Variants in CCDC190 observed in about 807,000 individuals in gnomAD.
CCDC190 encodes the protein coiled-coil domain containing 190.
Under a neutral mutation model 13.1 loss-of-function variants are expected in CCDC190, and 10 were observed. That is an observed-to-expected ratio of 0.77 (90% CI 0.47 to 1.30). CCDC190 has a LOEUF of 1.30. Ranked by LOEUF, CCDC190 falls within the 50% of genes most tolerant of loss-of-function variation. The pLI, the probability that CCDC190 is intolerant of heterozygous loss-of-function variation, is 0.00. For synonymous variants in CCDC190, 136 were observed against 127.2 expected (o/e 1.07, Z -0.47); for missense variants, 375 against 354.3 (o/e 1.06, Z -0.47).
intron 2 of CCDC190, among the ~76,000 whole-genome samples, chr1:162,859,213 G>T (rs1422305825): frequency 6.6e-6 from 1 of 152,220 alleles, no homozygotes; most frequent in Non-Finnish European, 1.5e-5. Context: ...GAGCTAACTT[G>T]AAAGATGGCA....
chr1:162,863,604 G>C (rs947693140), upstream of CCDC190, among the ~76,000 whole-genome samples: 1 of 152,134 alleles, frequency 6.6e-6, no homozygotes, highest in Non-Finnish European at 1.5e-5. Flanking sequence ...GTCTGGAAAG[G>C]GTTTCCGGAC....
intron 1 of CCDC190, among the ~76,000 whole-genome samples, chr1:162,866,689 G>A (rs1303825817): frequency 3.9e-5 from 6 of 151,948 alleles, no homozygotes; most frequent in African/African-American, 7.3e-5. Context: ...ATCTGATTTC[G>A]AGACTTATTC....
chr1:162,854,423 G>C lies in CCDC190; in HGVS notation c.*342C>G. 1 of 1,053,794 alleles carries C rather than the reference G, an allele frequency of 9.5e-7. No homozygotes were observed. The highest frequency in any genetic ancestry group is 1.1e-6 in the Non-Finnish European group (1 of 872,446). 65.3% of individuals were successfully genotyped at this position (1,053,794 alleles called of 1,614,324 possible). On this transcript the variant is annotated 3_prime_UTR_variant, in exon 4 of 4. Coordinates refer to ENST00000367912, the MANE Select transcript of CCDC190 (RefSeq NM_001394065.1). Reference sequence around the variant, plus strand: ...AATAGCTATGCCGTTTTGCCAGCAGGTGGCACCATGAGAATCTCCTAGAGG... The same window carrying C: ...AATAGCTATGCCGTTTTGCCAGCAGCTGGCACCATGAGAATCTCCTAGAGG...
rs1432041229 is a variant in CCDC190, at chr1:162,851,997, T to C, written c.*2768A>G. ...CATTCTGGTATGGAGAAAGCTATTT[T>C]ACTTATCATGAGCCTCAATTTCTTT... On this transcript the variant is annotated 3_prime_UTR_variant, in exon 4 of 4. Coordinates refer to ENST00000367912, the MANE Select transcript of CCDC190 (RefSeq NM_001394065.1). 6.6e-6 allele frequency: 1 copy of C among 152,204 alleles called. No individual in the cohort carries two copies. The highest frequency in any genetic ancestry group is 1.5e-5 in the Non-Finnish European group (1 of 68,040). 9.4% of individuals were successfully genotyped at this position (152,204 alleles called of 1,614,324 possible).
rs1442064395 is a variant in CCDC190, at chr1:162,855,740, T to A, written c.203A>T (p.Lys68Met). 6.9e-6 allele frequency: 11 copies of A among 1,603,706 alleles called. No individual in the cohort carries two copies. In the African/African-American group the frequency reaches 1.5e-4, roughly 21 times the overall value. Reference sequence around the variant, plus strand: ...TCCATTCCCCAAATAAGAGGAGAACTTTTTCTTCATGGTTTCTGCTTTGAG... The same window carrying A: ...TCCATTCCCCAAATAAGAGGAGAACATTTTCTTCATGGTTTCTGCTTTGAG... ...QRLQQETMKK[K>M]FSSYLGNGFQ... Residue 68 changes from lysine to methionine, a missense_variant, in exon 3 of 4, where the codon AAG (lysine) becomes ATG (methionine). Transcript: ENST00000367912.
In CCDC190 at chr1:162,859,559, G is replaced by T; in HGVS notation, c.88C>A (p.Gln30Lys). 1 of 1,613,840 alleles carries T rather than the reference G, an allele frequency of 6.2e-7. No homozygotes were observed. Among genetic ancestry groups the T allele is most frequent in the Non-Finnish European group, 8.5e-7 (1 of 1,179,840 alleles). Residue 30 changes from glutamine (Q) to lysine (K), a missense_variant, in exon 2 of 4, where the codon CAA becomes AAA. Gln to Lys is a moderately conservative substitution (Grantham distance 53). Coordinates refer to ENST00000367912, the MANE Select transcript of CCDC190 (RefSeq NM_001394065.1). ...NAKQAEARLD[Q>K]RLQRLKVICL... ...ATAACCTTTAGTCTCTGCAGTCTTT[G>T]GTCCAGTCTGGCTTCAGCCTGCTTG...
chr1:162,855,458 C>T, intron 3 of CCDC190, 99 bp from the exon 4 acceptor site: 5 of 1,472,918 alleles, frequency 3.4e-6, no homozygotes, highest in Non-Finnish European at 4.5e-6. Flanking sequence ...CAGTATCGGC[C>T]AAGGTAATAT....
Position 162,861,140 on chromosome 1 carries a change from A to G in CCDC190, c.-145T>C, listed in dbSNP as rs1189087445. Reference sequence around the variant, plus strand: ...GTGTTTGGAGAAAGGATAGAGGGAGACCATTGGAGAGGGCTGCGAGGAGAA... The same window carrying G: ...GTGTTTGGAGAAAGGATAGAGGGAGGCCATTGGAGAGGGCTGCGAGGAGAA... On this transcript the variant is annotated 5_prime_UTR_variant, in exon 1 of 4. Coordinates refer to ENST00000367912, the MANE Select transcript of CCDC190 (RefSeq NM_001394065.1). The G allele has an allele frequency of 2.6e-6, 1 of 383,870 alleles. No individual in the cohort carries two copies. Among genetic ancestry groups the G allele is most frequent in the Admixed American group, 6.4e-5 (1 of 15,510 alleles). The allele number at this position is 383,870 out of a possible 1,614,324, so 23.8% of individuals were successfully genotyped here. A position where few individuals can be genotyped will look rare whatever the true frequency, so the allele number is the denominator to read the frequency against.
chr1:162,862,820 T>C (rs76754881), upstream of CCDC190, among the ~76,000 whole-genome samples: 21,482 of 152,196 alleles, frequency 0.14, 1,586 homozygotes, highest in Middle Eastern at 0.2. Flanking sequence ...AAAAAGATCA[T>C]GCCTTTTCCA....
At chr1:162,865,321 G>C (rs1650656747), upstream of CCDC190, among the ~76,000 whole-genome samples, 1 of 152,058 alleles carries the variant, frequency 6.6e-6, no homozygotes, top group Non-Finnish European at 1.5e-5. Flanking sequence ...TTCTCAATAA[G>C]TTAGTGAAAA....
At position 162,853,126 on chromosome 1, in the gene CCDC190, A is replaced by G. The variant is rs755247660; in HGVS notation, c.*1639T>C. The G allele has an allele frequency of 3.2e-6, 5 of 1,550,672 alleles. No homozygotes were observed. The highest frequency in any genetic ancestry group is 1.4e-5 in the African/African-American group (1 of 73,186). On this transcript the variant is annotated 3_prime_UTR_variant, in exon 4 of 4. Coordinates refer to ENST00000367912, the MANE Select transcript of CCDC190 (RefSeq NM_001394065.1). ...AGATTTCTTGTGTTCCTTTCACTAT[A>G]AAGTATTGTCTCCCCATTGAAGGCC...
Position 162,855,378 on chromosome 1 carries a change from G to T in CCDC190, c.312-19C>A, listed in dbSNP as rs1334269536. Reference sequence around the variant, plus strand: ...CAATGCTCTGAGAAAGGACATAAAAGAAAGATCTCTGAAAACCAATAAAAA... The same window carrying T: ...CAATGCTCTGAGAAAGGACATAAAATAAAGATCTCTGAAAACCAATAAAAA... On this transcript the variant is annotated intron_variant, in intron 3 of 3. Coordinates refer to ENST00000367912, the MANE Select transcript of CCDC190 (RefSeq NM_001394065.1). The T allele has an allele frequency of 1.9e-6, 3 of 1,573,180 alleles. No homozygotes were observed. Among genetic ancestry groups the T allele is most frequent in the Non-Finnish European group, 2.6e-6 (3 of 1,167,718 alleles).
upstream of CCDC190, among the ~76,000 whole-genome samples, chr1:162,861,426 C>T (rs147205784): frequency 8.7e-5 from 13 of 149,244 alleles, no homozygotes; most frequent in South Asian, 4.2e-4. Flanking sequence ...ACCCTTTCCT[C>T]GTTTCTCTCC....
In CCDC190 at chr1:162,854,917, C is replaced by A; in HGVS notation, c.754G>T (p.Ala252Ser). 1 of 1,614,004 alleles carries A rather than the reference C, an allele frequency of 6.2e-7. No homozygotes were observed. Among genetic ancestry groups the A allele is most frequent in the African/African-American group, 1.3e-5 (1 of 75,044 alleles). ...TGCCGGAGATAATGGGCATTTCTGG[C>A]CTTTGAAAGCAACTCTAAGAAGGTT... is the stretch of plus-strand genomic sequence containing the variant. ...KPTFLELLSK[A>S]RNAHYLRHRV... is the part of the protein sequence containing the mutation. Residue 252 changes from alanine to serine, a missense_variant, in exon 4 of 4, where the codon GCC (alanine) becomes TCC (serine). Transcript: ENST00000367912.
At position 162,854,698 on chromosome 1, in the gene CCDC190, T is replaced by C; in HGVS notation, c.*67A>G. ...TTGTTTTTCTCTGTATTGCTTAATA[T>C]AGTCATTTGAGGAACACATTTCCTT... On this transcript the variant is annotated 3_prime_UTR_variant, in exon 4 of 4. Transcript: ENST00000367912. 6.6e-7 allele frequency: 1 copy of C among 1,518,724 alleles called. No individual in the cohort carries two copies. The highest frequency in any genetic ancestry group is 8.8e-7 in the Non-Finnish European group (1 of 1,135,906). 94.1% of individuals were successfully genotyped at this position (1,518,724 alleles called of 1,614,324 possible). A position where few individuals can be genotyped will look rare whatever the true frequency, so the allele number is the denominator to read the frequency against.
At chr1:162,866,121 T>C (rs944753975), upstream of CCDC190, among the ~76,000 whole-genome samples, 20 of 152,134 alleles carry the variant, frequency 1.3e-4, no homozygotes, top group African/African-American at 4.8e-4. Context: ...TAGAAATACA[T>C]TTAATAAAAT....
chr1:162,855,818 A>C, intron 2 of CCDC190, 63 bp from the exon 3 acceptor site: 6 of 1,467,498 alleles, frequency 4.1e-6, no homozygotes, highest in Non-Finnish European at 5.6e-6. Flanking sequence ...TTTATGCTCA[A>C]GTCCTAACCC....
upstream of CCDC190, among the ~76,000 whole-genome samples, chr1:162,865,869 A>G (rs1335829159): frequency 3.3e-5 from 5 of 152,308 alleles, no homozygotes; most frequent in Admixed American, 3.3e-4. Context: ...CACTTCTACT[A>G]TTGTATTAGA....
Position 162,852,431 on chromosome 1 carries a change from C to G in CCDC190, c.*2334G>C, listed in dbSNP as rs776794671. 1.3e-5 allele frequency: 2 copies of G among 152,202 alleles called. No homozygotes were observed. The highest frequency in any genetic ancestry group is 2.9e-5 in the Non-Finnish European group (2 of 68,060). The allele number at this position is 152,202 out of a possible 1,614,324, so 9.4% of individuals were successfully genotyped here. On this transcript the variant is annotated 3_prime_UTR_variant, in exon 4 of 4. Coordinates refer to ENST00000367912, the MANE Select transcript of CCDC190 (RefSeq NM_001394065.1). ...TTTAATGAGTTACACAAGAAAGGTT[C>G]CATGCAGCAGCGTTCTCTTTGATTG... is the stretch of plus-strand genomic sequence containing the variant.
Sources: allele counts gnomAD v4.1 joint callset (sites outside exome capture counted in the v4.1 genomes callset), GRCh38; gene constraint gnomAD v4.1.1; transcripts MANE v1.5; gene names NCBI Gene and HGNC (gene_info 2026-07-23, HGNC 2026-07-21).